CXADR: variants seen among roughly 807,000 people sequenced by gnomAD.
CXADR encodes CXADR cell adhesion molecule.
CXADR carries 20 observed loss-of-function variants against 40.3 expected under a neutral mutation model. The observed-to-expected ratio is 0.50, with a 90% CI of 0.35 to 0.72. The LOEUF (loss-of-function observed/expected upper bound fraction) is 0.72, where lower values mean the gene tolerates loss of function less well. Among genes scored for constraint, CXADR ranks in the 30% least tolerant of loss-of-function variants. The pLI, the probability that CXADR is intolerant of heterozygous loss-of-function variation, is 0.01. For synonymous variants in CXADR, 150 were observed against 161.3 expected (o/e 0.93, Z 0.53); for missense variants, 332 against 449.1 (o/e 0.74, Z 2.36).
chr21:17,612,492 GCCTCGCGGGCCGC>G, the CXADR span: 1 of 152,172 alleles, frequency 6.6e-6, no homozygotes, highest in African/African-American at 2.4e-5. Flanking sequence ...CCCGCGGAAA[GCCTCGCGGGCCGC>G]CCTCGCGGCC....
the CXADR span, among the ~76,000 whole-genome samples, chr21:17,618,985 C>G: frequency 6.6e-6 from 1 of 152,262 alleles, no homozygotes; most frequent in African/African-American, 2.4e-5. Flanking sequence ...GGTAAATTGT[C>G]AATGAGCAGT....
chr21:17,529,267 G>C (rs893335287), intron 1 of CXADR, among the ~76,000 whole-genome samples: 6 of 151,658 alleles, frequency 4.0e-5, no homozygotes, highest in Admixed American at 1.3e-4. Flanking sequence ...TCCTGACTTC[G>C]TGATTCACCC....
At chr21:17,530,693 AAT>A (rs1318581350) in intron 1 of CXADR, among the ~76,000 whole-genome samples, 6 of 152,162 alleles carry the variant, frequency 3.9e-5, no homozygotes, top group Admixed American at 2.0e-4. Flanking sequence ...GCATGCCTGT[AAT>A]CCCAGCTACT....
intron 1 of CXADR, among the ~76,000 whole-genome samples, chr21:17,529,661 T>G (rs2060645273): frequency 6.6e-6 from 1 of 152,182 alleles, no homozygotes; most frequent in Admixed American, 6.5e-5. Flanking sequence ...GTTAGAACAT[T>G]ATGTATTTAA....
chr21:17,529,032 G>GT (rs2060635535), intron 1 of CXADR, among the ~76,000 whole-genome samples: 1 of 120,570 alleles, frequency 8.3e-6, no homozygotes, highest in African/African-American at 3.8e-5. Flanking sequence ...TGGACTTTTT[G>GT]TCTTTTTTTT....
intron 7 of CXADR, among the ~76,000 whole-genome samples, chr21:17,591,223 T>C (rs552142519): frequency 6.6e-6 from 1 of 152,158 alleles, no homozygotes; most frequent in Admixed American, 6.5e-5. Flanking sequence ...TTCTGTGATC[T>C]TGGGCATTTT....
At chr21:17,546,914 A>G (rs2060903943) in intron 1 of CXADR, 113 bp from the exon 2 acceptor site, 1 of 1,303,170 alleles carries the variant, frequency 7.7e-7, no homozygotes. Context: ...TCGGGACCCA[A>G]ACCCCGTCCT....
chr21:17,548,494 T>A (rs1555870316), intron 2 of CXADR, among the ~76,000 whole-genome samples: 3 of 152,154 alleles, frequency 2.0e-5, no homozygotes, highest in Non-Finnish European at 4.4e-5. Flanking sequence ...CTTCTCTCCC[T>A]TCTCTCTCTC....
chr21:17,517,296 A>G (rs1317320655), intron 1 of CXADR, among the ~76,000 whole-genome samples: 6 of 152,252 alleles, frequency 3.9e-5, no homozygotes, highest in Admixed American at 2.6e-4. Context: ...TAAAGGAGGT[A>G]AAATAATAAA....
chr21:17,605,097 T>TA, the CXADR span: 18 of 1,316,848 alleles, frequency 1.4e-5, no homozygotes, highest in East Asian at 7.5e-5. Flanking sequence ...AAAATAGTAA[T>TA]AAAAAAATAC....
chr21:17,614,770 G>T, the CXADR span, among the ~76,000 whole-genome samples: 3 of 152,094 alleles, frequency 2.0e-5, no homozygotes, highest in Non-Finnish European at 4.4e-5. Flanking sequence ...TCTCATAGCT[G>T]AACACTGTGA....
At chr21:17,554,109 A>C (rs1429272816) in intron 3 of CXADR, among the ~76,000 whole-genome samples, 1 of 152,194 alleles carries the variant, frequency 6.6e-6, no homozygotes, top group Admixed American at 6.5e-5. Flanking sequence ...GTTTGATGGG[A>C]CAGTTACACT....
At chr21:17,630,696 G>T in the CXADR span, among the ~76,000 whole-genome samples, 2 of 123,714 alleles carry the variant, frequency 1.6e-5, no homozygotes, top group South Asian at 2.6e-4. Flanking sequence ...ATTTGTTGAA[G>T]AAAATGCATC....
downstream of CXADR, among the ~76,000 whole-genome samples, chr21:17,573,832 A>G (rs543485639): frequency 6.6e-6 from 1 of 152,336 alleles, no homozygotes. Flanking sequence ...GCTTGAACCC[A>G]GGAGGCGGAG....
At chr21:17,553,910 C>G (rs1337504159) in intron 3 of CXADR, among the ~76,000 whole-genome samples, 1 of 152,158 alleles carries the variant, frequency 6.6e-6, no homozygotes, top group Admixed American at 6.6e-5. Context: ...AGCCACCGCA[C>G]CCAGCTACCT....
the CXADR span, among the ~76,000 whole-genome samples, chr21:17,624,395 C>G: frequency 6.6e-6 from 1 of 152,172 alleles, no homozygotes; most frequent in Non-Finnish European, 1.5e-5. Context: ...CTTCAGTCTG[C>G]AGGACTGAGG....
In CXADR at chr21:17,565,465, G is replaced by A. The variant is rs1406062498; in HGVS notation, c.871G>A (p.Ala291Thr). Residue 291 changes from alanine (A) to threonine (T), a missense_variant, in exon 7 of 7, where the codon GCC becomes ACC. Ala to Thr is a moderately conservative substitution (Grantham distance 58, BLOSUM62 0). Transcript: ENST00000284878. ...ACCTCCAAAGAGCCGTACGTCCACTGCCAGAAGCTACATCGGCAGTAATCA... is the reference window on the plus strand; with the variant it reads ...ACCTCCAAAGAGCCGTACGTCCACTACCAGAAGCTACATCGGCAGTAATCA... Reference protein sequence around the residue: ...VPPPKSRTSTARSYIGSNHSS... With the variant: ...VPPPKSRTSTTRSYIGSNHSS... The A allele has an allele frequency of 6.2e-7, 1 of 1,613,786 alleles. No homozygotes were observed. Among genetic ancestry groups the A allele is most frequent in the African/African-American group, 1.3e-5 (1 of 74,908 alleles).
chr21:17,555,323 T>A (rs2061020676), intron 3 of CXADR, among the ~76,000 whole-genome samples: 1 of 152,252 alleles, frequency 6.6e-6, no homozygotes, highest in South Asian at 2.1e-4. Context: ...GCCTTAAAGG[T>A]CCTAAGGGAT....
At chr21:17,628,589 C>A in the CXADR span, among the ~76,000 whole-genome samples, 1 of 152,136 alleles carries the variant, frequency 6.6e-6, no homozygotes, top group East Asian at 1.9e-4. Flanking sequence ...CAACCTCTGC[C>A]TCCCAGGTTC....
Sources: allele counts gnomAD v4.1 joint callset (sites outside exome capture counted in the v4.1 genomes callset), GRCh38; gene constraint gnomAD v4.1.1; transcripts MANE v1.5; gene names NCBI Gene and HGNC (gene_info 2026-07-23, HGNC 2026-07-21).